Variants in AK5 observed in about 807,000 individuals in gnomAD.
AK5 encodes the protein adenylate kinase isoenzyme 5.
A neutral mutation model predicts 69.5 loss-of-function variants in AK5; 27 were observed. The ratio of observed to expected loss-of-function variants is 0.39; its 90% CI spans 0.29 to 0.54. The LOEUF (loss-of-function observed/expected upper bound fraction) is 0.54. Among genes scored for constraint, AK5 ranks in the 20% least tolerant of loss-of-function variants. The pLI, the probability that AK5 is intolerant of heterozygous loss-of-function variation, is 0.71. For synonymous variants in AK5, 260 were observed against 244.4 expected (o/e 1.06, Z -0.60); for missense variants, 531 against 700.4 (o/e 0.76, Z 2.73).
At chr1:77,288,621 A>G (rs1228968209) in intron 2 of AK5, among the ~76,000 whole-genome samples, 1 of 152,162 alleles carries the variant, frequency 6.6e-6, no homozygotes, top group African/African-American at 2.4e-5. Flanking sequence ...ACATCTCTAA[A>G]GAAAAGAGTC....
intron 12 of AK5, among the ~76,000 whole-genome samples, chr1:77,531,422 C>T (rs1447934356): frequency 6.6e-6 from 1 of 152,050 alleles, no homozygotes; most frequent in Admixed American, 6.6e-5. Flanking sequence ...CTGATTGGTG[C>T]GTTTACAATC....
chr1:77,538,792 A>C (rs189626173), intron 13 of AK5, among the ~76,000 whole-genome samples: 1 of 152,364 alleles, frequency 6.6e-6, no homozygotes, highest in African/African-American at 2.4e-5. Context: ...GTATTATTCC[A>C]ACCTGAATTC....
rs142682163 is a variant in AK5, at chr1:77,293,880, T to A, written c.335T>A (p.Leu112His). The A allele has an allele frequency of 6.2e-7, 1 of 1,613,544 alleles. No individual in the cohort carries two copies. The highest frequency in any genetic ancestry group is 8.5e-7 in the Non-Finnish European group (1 of 1,179,838). ...TTCTCCATAGAAAGTGACACGGATC[T>A]CTCTGAGACTGCAGAGTTGATTGAG... ...HQFSIESDTD[L>H]SETAELIEEY... is the part of the protein sequence containing the mutation. The change falls in exon 3 of 14, where the codon CTC becomes CAC. Residue 112 changes from leucine (L) to histidine (H), a missense_variant. Physicochemically the swap from Leu to His is moderately conservative, Grantham distance 99. Transcript: ENST00000354567.
intron 6 of AK5, among the ~76,000 whole-genome samples, chr1:77,385,898 T>C (rs1400728210): frequency 6.6e-6 from 1 of 152,100 alleles, no homozygotes; most frequent in Admixed American, 6.6e-5. Context: ...AATCAAGAAA[T>C]AGCAGTCAAA....
intron 13 of AK5, among the ~76,000 whole-genome samples, chr1:77,556,608 T>C (rs1342104867): frequency 6.6e-6 from 1 of 152,248 alleles, no homozygotes. Flanking sequence ...TGTATCCATT[T>C]TCTCCACTAT....
At chr1:77,335,404 CTT>C (rs1661296395) in intron 5 of AK5, among the ~76,000 whole-genome samples, 1 of 135,014 alleles carries the variant, frequency 7.4e-6, no homozygotes, top group Non-Finnish European at 1.6e-5. Context: ...TTTTTTGTAA[CTT>C]ATTTATTCAC....
chr1:77,348,321 A>G (rs1297431753), intron 6 of AK5, among the ~76,000 whole-genome samples: 2 of 152,194 alleles, frequency 1.3e-5, no homozygotes, highest in Non-Finnish European at 2.9e-5. Context: ...CTCATTGTTC[A>G]ATTCCCACCT....
intron 5 of AK5, among the ~76,000 whole-genome samples, chr1:77,337,551 G>A (rs1245586298): frequency 6.6e-6 from 1 of 151,988 alleles, no homozygotes; most frequent in East Asian, 1.9e-4. Context: ...AGTGGCTGAA[G>A]CTGGATGTTA....
At chr1:77,391,389 A>AT (rs1238648056) in intron 6 of AK5, among the ~76,000 whole-genome samples, 6 of 143,028 alleles carry the variant, frequency 4.2e-5, no homozygotes, top group African/African-American at 1.1e-4. Context: ...GCAAAAAAAA[A>AT]AATATATATA....
intron 5 of AK5, among the ~76,000 whole-genome samples, chr1:77,334,946 A>G (rs771815983): frequency 7.9e-5 from 12 of 152,188 alleles, no homozygotes; most frequent in Non-Finnish European, 1.2e-4. Context: ...AATGATAGCA[A>G]AGTCCAGTTG....
At position 77,368,284 on chromosome 1, in the gene AK5, T is replaced by TATATATATGTTATATATA. The variant is rs1273878156; in HGVS notation, c.891+27752_891+27769dup. 1.2e-3 allele frequency among the ~76,000 whole-genome samples: 123 copies of TATATATATGTTATATATA among 98,970 alleles called. 2 individuals are homozygous for TATATATATGTTATATATA. The highest frequency in any genetic ancestry group is 2.9e-3 in the African/African-American group (80 of 27,924). 64.9% of individuals were successfully genotyped at this position (98,970 alleles called of 152,430 possible). On this transcript the variant is annotated intron_variant, in intron 6 of 13. Coordinates refer to ENST00000354567, the MANE Select transcript of AK5 (RefSeq NM_174858.3). ...TATGTTATATATATGTTATATATGT[T>TATATATATGTTATATATA]ATATATATGTTATATATAATATATA... is the stretch of plus-strand genomic sequence containing the variant.
At chr1:77,514,813 AAAT>A (rs1275269533) in intron 10 of AK5, among the ~76,000 whole-genome samples, 1 of 152,268 alleles carries the variant, frequency 6.6e-6, no homozygotes, top group African/African-American at 2.4e-5. Flanking sequence ...TAAAGGAAGA[AAAT>A]AATTGGAACA....
chr1:77,548,434 C>A (rs1421816576), intron 13 of AK5, among the ~76,000 whole-genome samples: 1 of 152,132 alleles, frequency 6.6e-6, no homozygotes, highest in Non-Finnish European at 1.5e-5. Flanking sequence ...CTTGCTGAGC[C>A]GCTGCTGTTA....
intron 6 of AK5, among the ~76,000 whole-genome samples, chr1:77,352,136 G>A (rs1662244894): frequency 6.6e-6 from 1 of 151,728 alleles, no homozygotes; most frequent in South Asian, 2.1e-4. Flanking sequence ...CACCATGTTG[G>A]CCAGGGTGGT....
At chr1:77,367,662 ATGTTATATATAAT>A (rs1646995840) in intron 6 of AK5, among the ~76,000 whole-genome samples, 1 of 95,560 alleles carries the variant, frequency 1.0e-5, no homozygotes, top group South Asian at 3.4e-4. Flanking sequence ...TGTTATATAT[ATGTTATATATAAT>A]ATATATGTTA....
intron 11 of AK5, among the ~76,000 whole-genome samples, chr1:77,520,750 GACTCT>G (rs1333383491): frequency 6.6e-6 from 1 of 152,196 alleles, no homozygotes; most frequent in African/African-American, 2.4e-5. Context: ...TATCTTCGCT[GACTCT>G]TCATTATATA....
chr1:77,309,544 C>A (rs1290856307), intron 5 of AK5, among the ~76,000 whole-genome samples: 1 of 152,068 alleles, frequency 6.6e-6, no homozygotes, highest in Non-Finnish European at 1.5e-5. Context: ...CCTAGCTCAT[C>A]CTTATAACGA....
intron 13 of AK5, among the ~76,000 whole-genome samples, chr1:77,557,905 C>T (rs977262434): frequency 6.6e-6 from 1 of 151,702 alleles, no homozygotes; most frequent in African/African-American, 2.4e-5. Context: ...CACCCCCCAC[C>T]GCCCTCTGTT....
intron 6 of AK5, among the ~76,000 whole-genome samples, chr1:77,394,922 A>C (rs2100535445): frequency 6.6e-6 from 1 of 152,066 alleles, no homozygotes; most frequent in Middle Eastern, 3.4e-3. Flanking sequence ...ATTGTAACTC[A>C]CATAGCTTTT....
Sources: allele counts gnomAD v4.1 joint callset (sites outside exome capture counted in the v4.1 genomes callset), GRCh38; gene constraint gnomAD v4.1.1; transcripts MANE v1.5; gene names NCBI Gene and HGNC (gene_info 2026-07-23, HGNC 2026-07-21).